MORN5: variants seen among roughly 807,000 people sequenced by gnomAD.
MORN5 encodes MORN repeat-containing protein 5.
A neutral mutation model predicts 22.1 loss-of-function variants in MORN5; 21 were observed. The observed-to-expected ratio is 0.95, with a 90% confidence interval of 0.67 to 1.37. MORN5 has a LOEUF of 1.37. MORN5 is among the 40% of genes most tolerant of loss of function. The pLI, the probability that MORN5 is intolerant of heterozygous loss-of-function variation, is 0.00. For synonymous variants in MORN5, 73 were observed against 74.0 expected (o/e 0.99, Z 0.07); for missense variants, 211 against 215.1 (o/e 0.98, Z 0.12).
At position 122,172,128 on chromosome 9, in the gene MORN5, A is replaced by AT. The variant is rs749607897; in HGVS notation, c.308-2352dup. 4.6e-3 allele frequency among the ~76,000 whole-genome samples: 626 copies of AT among 136,784 alleles called. 2 individuals carry two copies. The highest frequency in any genetic ancestry group is 0.02 in the East Asian group (94 of 4,668). 89.7% of individuals were successfully genotyped at this position (136,784 alleles called of 152,430 possible). On this transcript the variant is annotated intron_variant, in intron 3 of 4. Transcript: ENST00000373764. ...AGGAATGCGCCACCACTCCTGGTTA[A>AT]TTTTTTTTTTTTTTTTAAGTTTCTT... is the stretch of plus-strand genomic sequence containing the variant.
intron 1 of MORN5, among the ~76,000 whole-genome samples, chr9:122,166,338 T>C (rs1186047138): frequency 2.0e-5 from 3 of 151,764 alleles, no homozygotes; most frequent in Non-Finnish European, 4.4e-5. Context: ...CTAAATTTCA[T>C]ATTTTCCCTA....
At chr9:122,173,948 A>T (rs920479413) in intron 3 of MORN5, among the ~76,000 whole-genome samples, 5 of 152,196 alleles carry the variant, frequency 3.3e-5, no homozygotes, top group African/African-American at 1.2e-4. Flanking sequence ...CATAATAAAC[A>T]TTCAATGAGT....
chr9:122,181,291 C>T (rs1015661878), intron 4 of MORN5, among the ~76,000 whole-genome samples: 9 of 152,160 alleles, frequency 5.9e-5, no homozygotes, highest in Non-Finnish European at 1.0e-4. Context: ...TTCTGGTACC[C>T]GCCTTAAAGC....
At chr9:122,187,418 G>GA (rs1278476595) in intron 4 of MORN5, among the ~76,000 whole-genome samples, 1 of 152,178 alleles carries the variant, frequency 6.6e-6, no homozygotes, top group Non-Finnish European at 1.5e-5. Flanking sequence ...TATGCACCTA[G>GA]AGCCTTAGGC....
chr9:122,179,780 G>A (rs746998442), intron 4 of MORN5, among the ~76,000 whole-genome samples: 6 of 152,176 alleles, frequency 3.9e-5, no homozygotes, highest in Non-Finnish European at 5.9e-5. Flanking sequence ...CACCCTGTGA[G>A]GGACTGATTC....
At chr9:122,177,876 C>A (rs1199316687) in intron 4 of MORN5, among the ~76,000 whole-genome samples, 1 of 152,180 alleles carries the variant, frequency 6.6e-6, no homozygotes, top group Non-Finnish European at 1.5e-5. Context: ...CATATTAACA[C>A]AAGGCCCTCT....
chr9:122,172,123 G>C (rs1434625053), intron 3 of MORN5, among the ~76,000 whole-genome samples: 6 of 149,632 alleles, frequency 4.0e-5, no homozygotes, highest in Non-Finnish European at 8.9e-5. Context: ...CACCACTCCT[G>C]GTTAATTTTT....
At chr9:122,167,381 G>A (rs1288187540) in intron 2 of MORN5, among the ~76,000 whole-genome samples, 2 of 65,620 alleles carry the variant, frequency 3.0e-5, no homozygotes, top group Admixed American at 1.9e-4. Context: ...TTTTGAAAAC[G>A]AGTCTCTGTC....
intron 4 of MORN5, among the ~76,000 whole-genome samples, chr9:122,179,847 TACCCCCACAA>T (rs1447479611): frequency 6.6e-6 from 1 of 152,162 alleles, no homozygotes; most frequent in Non-Finnish European, 1.5e-5. Context: ...CATTCCAATC[TACCCCCACAA>T]ACAGTGCTTC....
At chr9:122,163,486 T>C (rs905638795) in intron 1 of MORN5, among the ~76,000 whole-genome samples, 24 of 152,134 alleles carry the variant, frequency 1.6e-4, no homozygotes, top group African/African-American at 5.6e-4. Context: ...GTGGAAGAGA[T>C]AGTATTTGAA....
intron 4 of MORN5, among the ~76,000 whole-genome samples, chr9:122,180,714 C>G (rs776712086): frequency 1.4e-4 from 22 of 152,236 alleles, no homozygotes; most frequent in Non-Finnish European, 2.8e-4. Flanking sequence ...CTGACCATCT[C>G]TTCTGTCCTC....
Position 122,174,519 on chromosome 9 carries a change from G to C in MORN5, c.331G>C (p.Asp111His). The C allele has an allele frequency of 1.2e-6, 2 of 1,614,046 alleles. No homozygotes were observed. The highest frequency in any genetic ancestry group is 1.7e-6 in the Non-Finnish European group (2 of 1,180,020). ...AGGTATGGCTCAACTCACCAATATG[G>C]ACCCACCTAGAAAAATCCCCAAGGG... ...PAGMAQLTNM[D>H]PPRKIPKGYY... Residue 111 changes from aspartate to histidine, a missense_variant, in exon 4 of 5, where the codon GAC becomes CAC. Physicochemically the swap from Asp to His is moderately conservative, Grantham distance 81. Transcript: ENST00000373764.
At chr9:122,161,136 G>A (rs754626061) in intron 1 of MORN5, among the ~76,000 whole-genome samples, 3 of 152,162 alleles carry the variant, frequency 2.0e-5, no homozygotes, top group Non-Finnish European at 4.4e-5. Flanking sequence ...AAGGCTGGAC[G>A]ATATGAAGTG....
At chr9:122,192,989 G>C (rs774794055) in intron 4 of MORN5, among the ~76,000 whole-genome samples, 36 of 151,728 alleles carry the variant, frequency 2.4e-4, no homozygotes, top group Non-Finnish European at 4.6e-4. Context: ...GCTGGGCCCT[G>C]ACCATCAAAA....
intron 2 of MORN5, among the ~76,000 whole-genome samples, chr9:122,169,071 T>C (rs146930083): frequency 7.2e-4 from 109 of 152,286 alleles, no homozygotes; most frequent in African/African-American, 2.4e-3. Context: ...AGACAGGGAA[T>C]TGGCGCTTCC....
chr9:122,197,106 T>C lies in MORN5; in HGVS notation c.440-2779T>C, dbSNP rs1829909714. On this transcript the variant is annotated intron_variant, in intron 4 of 4. Coordinates refer to ENST00000373764, the MANE Select transcript of MORN5 (RefSeq NM_198469.4). The surrounding 1 kb of genome is among the most constrained non-coding windows in gnomAD (Gnocchi z 5.7). ...GACAAATAGATTATCCCTTTAAGAA[T>C]AGTGTCCCAGAGTGGAATTACCGGG... Among the ~76,000 whole-genome samples, 1 of 152,190 alleles carries C rather than the reference T, an allele frequency of 6.6e-6. No homozygotes were observed. Among genetic ancestry groups the C allele is most frequent in the Admixed American group, 6.5e-5 (1 of 15,286 alleles).
intron 2 of MORN5, among the ~76,000 whole-genome samples, chr9:122,167,235 A>G (rs1316056091): frequency 1.4e-5 from 2 of 148,004 alleles, no homozygotes; most frequent in African/African-American, 5.0e-5. Context: ...TTTAGTAGAG[A>G]TTGGGTTTCA....
At chr9:122,167,348 C>T (rs1404607402) in intron 2 of MORN5, among the ~76,000 whole-genome samples, 1 of 138,590 alleles carries the variant, frequency 7.2e-6, no homozygotes, top group Non-Finnish European at 1.6e-5. Flanking sequence ...GCCACCGCAC[C>T]TGACCTTTTT....
intron 1 of MORN5, chr9:122,164,479 C>A: frequency 1.3e-6 from 1 of 749,782 alleles, no homozygotes; most frequent in Non-Finnish European, 1.6e-6. Context: ...AGATGGCTTA[C>A]AGCCCCAGCC....
Sources: gnomAD v4.1 joint callset for allele counts (sites outside exome capture counted in the v4.1 genomes callset) on GRCh38, gnomAD v4.1.1 for gene constraint, Gnocchi (gnomAD v3.1) non-coding constraint, MANE v1.5 for transcripts, NCBI Gene and HGNC (gene_info 2026-07-23, HGNC 2026-07-21) for gene names.